DPP6: variants seen among roughly 807,000 people sequenced by gnomAD.
The protein encoded by DPP6 is dipeptidyl peptidase like 6.
A neutral mutation model predicts 122.6 loss-of-function variants in DPP6; 69 were observed. That is an observed-to-expected ratio of 0.56 (90% CI 0.46 to 0.69). The LOEUF is 0.69. Ranked by LOEUF, DPP6 falls within the 30% of genes least tolerant of loss-of-function variation. DPP6 has a pLI of 0.00. For missense variants in DPP6, 928 were observed against 1,116.9 expected (o/e 0.83, Z 2.41); for synonymous variants, 418 against 433.1 (o/e 0.97, Z 0.43).
Position 154,474,807 on chromosome 7 carries a change from T to G in DPP6, c.359-132T>G, listed in dbSNP as rs139012857. 8.3e-5 allele frequency: 53 copies of G among 640,012 alleles called. 1 individual carries two copies. The East Asian group carries it at 1.5e-3, about 18-fold the overall frequency. 39.6% of individuals were successfully genotyped at this position (640,012 alleles called of 1,614,324 possible). On this transcript the variant is annotated intron_variant, in intron 2 of 25. Coordinates refer to ENST00000377770, the MANE Select transcript of DPP6 (RefSeq NM_130797.4). ...AAACAGAATGCAAGACTGGCTTTTA[T>G]CCCCATTCACTTATGGACGTCATGT...
chr7:154,451,468 C>T (rs1312692472), intron 2 of DPP6, among the ~76,000 whole-genome samples: 1 of 152,162 alleles, frequency 6.6e-6, no homozygotes, highest in Non-Finnish European at 1.5e-5. Context: ...GGACCCTGTC[C>T]TCCAAGCTCA....
chr7:154,252,984 G>C (rs998394272), intron 1 of DPP6, among the ~76,000 whole-genome samples: 1 of 152,218 alleles, frequency 6.6e-6, no homozygotes, highest in Non-Finnish European at 1.5e-5. Context: ...CAAATTAGAA[G>C]ATAATGCAAG....
intron 1 of DPP6, among the ~76,000 whole-genome samples, chr7:154,101,006 G>C (rs145653677): frequency 0.24 from 27,755 of 114,756 alleles, 4,886 homozygotes; most frequent in Admixed American, 0.28. Flanking sequence ...CGGTGCCCCT[G>C]ACGGAGCTGT....
intron 1 of DPP6, among the ~76,000 whole-genome samples, chr7:154,079,201 G>A (rs190786070): frequency 6.6e-6 from 1 of 152,154 alleles, no homozygotes; most frequent in South Asian, 2.1e-4. Context: ...TCTCAAAAAC[G>A]AAAGTGCCTG....
chr7:154,712,148 G>A (rs923037558), intron 7 of DPP6, among the ~76,000 whole-genome samples: 9 of 152,066 alleles, frequency 5.9e-5, no homozygotes, highest in African/African-American at 2.2e-4. Flanking sequence ...TAGTTTTCCT[G>A]TATACAACAT....
chr7:154,650,333 G>A (rs1324753894), intron 6 of DPP6, among the ~76,000 whole-genome samples: 9 of 151,800 alleles, frequency 5.9e-5, no homozygotes, highest in Non-Finnish European at 1.2e-4. Flanking sequence ...GAGGAGAGGA[G>A]AGGAAAGGAG....
At chr7:154,423,974 A>G (rs7797462) in intron 1 of DPP6, among the ~76,000 whole-genome samples, 105,388 of 152,094 alleles carry the variant, frequency 0.69, 37,175 homozygotes, top group South Asian at 0.78. Flanking sequence ...TTTGTTTTCA[A>G]TGTTCCTCCT....
chr7:154,550,501 C>T (rs1428707136), intron 4 of DPP6, among the ~76,000 whole-genome samples: 1 of 152,080 alleles, frequency 6.6e-6, no homozygotes, highest in East Asian at 1.9e-4. Flanking sequence ...GGTATGCTGA[C>T]AATCTTGAAG....
At chr7:154,713,455 A>G (rs543315659) in intron 7 of DPP6, among the ~76,000 whole-genome samples, 31 of 152,346 alleles carry the variant, frequency 2.0e-4, no homozygotes, top group African/African-American at 7.0e-4. Context: ...CCTCTGCAGC[A>G]AACTTCTACC....
chr7:154,441,003 T>C (rs1223788847), intron 1 of DPP6, among the ~76,000 whole-genome samples: 6 of 152,178 alleles, frequency 3.9e-5, no homozygotes, highest in African/African-American at 1.2e-4. Context: ...TCTGTCCCTT[T>C]AGCTGCGTAA....
rs747073108 is a variant in DPP6, at chr7:154,868,040, A to T, written c.1760A>T (p.Asn587Ile). 1.2e-6 allele frequency: 2 copies of T among 1,609,458 alleles called. No individual in the cohort carries two copies. The highest frequency in any genetic ancestry group is 1.7e-6 in the Non-Finnish European group (2 of 1,178,046). The change falls in exon 18 of 26, where the codon AAT becomes ATT. Residue 587 changes from asparagine (N) to isoleucine (I), a missense_variant. Transcript: ENST00000377770. ...ETNEHVKKAI[N>I]DRQMPKVEYR... ...AATGAACATGTCAAGAAGGCCATAA[A>T]TGACCGACAGATGCCTAAAGTGGAA...
chr7:154,810,946 ACCCTG>A (rs1317646430), intron 16 of DPP6, among the ~76,000 whole-genome samples: 1 of 152,178 alleles, frequency 6.6e-6, no homozygotes, highest in African/African-American at 2.4e-5. Flanking sequence ...TCCAGTCTCC[ACCCTG>A]CCTTTCTTTT....
intron 1 of DPP6, among the ~76,000 whole-genome samples, chr7:154,071,990 G>A (rs893324352): frequency 1.3e-5 from 2 of 152,088 alleles, no homozygotes; most frequent in African/African-American, 4.8e-5. Flanking sequence ...CACGTGCCTG[G>A]TACACATGCT....
intron 5 of DPP6, among the ~76,000 whole-genome samples, chr7:154,614,958 T>C (rs1384520443): frequency 6.6e-6 from 1 of 152,242 alleles, no homozygotes; most frequent in East Asian, 1.9e-4. Flanking sequence ...CAAATACATG[T>C]GGAGTCCATG....
At chr7:153,879,543 C>T in the DPP6 span, among the ~76,000 whole-genome samples, 1,465 of 152,250 alleles carry the variant, frequency 9.6e-3, 28 homozygotes, top group African/African-American at 0.033. Context: ...GTGCACGCCA[C>T]CACAGCTGGC....
At chr7:154,808,209 A>C (rs1366549123) in intron 16 of DPP6, among the ~76,000 whole-genome samples, 1 of 152,176 alleles carries the variant, frequency 6.6e-6, no homozygotes, top group Non-Finnish European at 1.5e-5. Flanking sequence ...TATCAGAGCA[A>C]TGTCTTTGCT....
chr7:154,042,361 G>T (rs1394708640), intron 1 of DPP6, among the ~76,000 whole-genome samples: 5 of 152,184 alleles, frequency 3.3e-5, no homozygotes, highest in Non-Finnish European at 7.3e-5. Context: ...ATACAAGCAG[G>T]TGTTCCAATA....
chr7:154,352,385 C>A (rs1269770705), intron 1 of DPP6, among the ~76,000 whole-genome samples: 3 of 152,004 alleles, frequency 2.0e-5, no homozygotes, highest in Non-Finnish European at 4.4e-5. Context: ...ATGGCCAGAA[C>A]CCGGGAGGCG....
intron 7 of DPP6, among the ~76,000 whole-genome samples, chr7:154,688,840 C>A (rs569157179): frequency 6.6e-6 from 1 of 152,198 alleles, no homozygotes; most frequent in Non-Finnish European, 1.5e-5. Flanking sequence ...CACAGACACA[C>A]CCAAGATTAA....
Sources: gnomAD v4.1 joint callset for allele counts (sites outside exome capture counted in the v4.1 genomes callset) on GRCh38, gnomAD v4.1.1 for gene constraint, MANE v1.5 for transcripts, NCBI Gene and HGNC (gene_info 2026-07-23, HGNC 2026-07-21) for gene names.